EPB41L1: variants seen among roughly 807,000 people sequenced by gnomAD.
The protein encoded by EPB41L1 is band 4.1-like protein 1.
EPB41L1 carries 29 observed loss-of-function variants against 97.8 expected under a neutral mutation model. The ratio of observed to expected loss-of-function variants is 0.30; its 90% CI spans 0.22 to 0.40. The LOEUF (loss-of-function observed/expected upper bound fraction) is 0.40. EPB41L1 is among the 10% of genes least tolerant of loss of function. The pLI, the probability that EPB41L1 is intolerant of heterozygous loss-of-function variation, is 1.00. For missense variants in EPB41L1, 812 were observed against 1,162.3 expected (o/e 0.70, Z 4.38); for synonymous variants, 383 against 459.2 (o/e 0.83, Z 2.12).
chr20:36,123,501 C>T (rs1480889833), intron 2 of EPB41L1, among the ~76,000 whole-genome samples: 3 of 152,164 alleles, frequency 2.0e-5, no homozygotes, highest in Non-Finnish European at 4.4e-5. Flanking sequence ...AGTGCAGTGG[C>T]GCAATCTTGG....
Position 36,202,077 on chromosome 20 carries a change from G to A in EPB41L1, c.1668+4036G>A, listed in dbSNP as rs1480237994. Among the ~76,000 whole-genome samples the A allele has an allele frequency of 4.6e-5, 7 of 152,180 alleles. No individual in the cohort carries two copies. In the East Asian group the frequency reaches 5.8e-4, roughly 13 times the overall value. ...TCCGCACACTCTCTTGAGGGAAATC[G>A]GACAAGAGTCAACAGCATACCAAGG... On this transcript the variant is annotated intron_variant, in intron 14 of 21. Coordinates refer to ENST00000338074, the MANE Select transcript of EPB41L1 (RefSeq NM_012156.2).
intron 7 of EPB41L1, among the ~76,000 whole-genome samples, chr20:36,185,932 G>C (rs1273484266): frequency 2.0e-5 from 3 of 152,190 alleles, no homozygotes; most frequent in Non-Finnish European, 4.4e-5. Context: ...TGATCATGCA[G>C]GGGAAAGTAC....
intron 21 of EPB41L1, among the ~76,000 whole-genome samples, chr20:36,222,808 C>T (rs1364500777): frequency 6.6e-6 from 1 of 152,158 alleles, no homozygotes; most frequent in Non-Finnish European, 1.5e-5. Context: ...CGTTCCTGGC[C>T]CTGAGTCTCT....
chr20:36,175,214 G>T (rs1380546556), intron 2 of EPB41L1, among the ~76,000 whole-genome samples: 1 of 152,206 alleles, frequency 6.6e-6, no homozygotes, highest in Non-Finnish European at 1.5e-5. Context: ...GATGGATGCT[G>T]TGATGAGTCA....
intron 5 of EPB41L1, among the ~76,000 whole-genome samples, chr20:36,180,445 GT>G (rs2061430823): frequency 6.6e-6 from 1 of 152,204 alleles, no homozygotes; most frequent in Non-Finnish European, 1.5e-5. Context: ...TGGATTAGTA[GT>G]TCCTGCCTCA....
intron 2 of EPB41L1, among the ~76,000 whole-genome samples, chr20:36,145,699 T>A (rs1173413009): frequency 6.6e-6 from 1 of 152,240 alleles, no homozygotes; most frequent in Admixed American, 6.5e-5. Flanking sequence ...TCTGTAGTGA[T>A]GAAATGTTCT....
In EPB41L1 at chr20:36,206,305, A is replaced by C. The variant is rs751956460; in HGVS notation, c.1669-3183A>C. On this transcript the variant is annotated intron_variant, in intron 14 of 21. Coordinates refer to ENST00000338074, the MANE Select transcript of EPB41L1 (RefSeq NM_012156.2). This position sits in a 1 kb window ranked among gnomAD's most constrained non-coding sequence, Gnocchi z 5.5. ...GAGGAAGGGGCTGGAGGAGCCTCAC[A>C]CTTGTGGGAGACCCACTGCTCCAGG... is the stretch of plus-strand genomic sequence containing the variant. 3.6e-5 allele frequency: 46 copies of C among 1,289,876 alleles called. 1 individual carries two copies. The South Asian group carries it at 5.7e-4, about 16-fold the overall frequency. 79.9% of individuals were successfully genotyped at this position (1,289,876 alleles called of 1,614,324 possible). A position where few individuals can be genotyped will look rare whatever the true frequency, so the allele number is the denominator to read the frequency against.
chr20:36,224,009 T>A (rs2063950622), intron 21 of EPB41L1, among the ~76,000 whole-genome samples: 1 of 152,208 alleles, frequency 6.6e-6, no homozygotes, highest in East Asian at 1.9e-4. Flanking sequence ...TTTCTCTTCC[T>A]TTGATTACCA....
chr20:36,121,298 A>G (rs998288400), intron 2 of EPB41L1, among the ~76,000 whole-genome samples: 3 of 152,160 alleles, frequency 2.0e-5, no homozygotes, highest in African/African-American at 4.8e-5. Flanking sequence ...GCAGAACTTC[A>G]TATCGTTCTC....
rs924047075 is a variant in EPB41L1, at chr20:36,154,838, A to G, written c.-73A>G. ...CCCCGCCCCGCGGCCTGCCTGCCAG[A>G]GGAGCCGAGGGGGCCGCCCCTCGCC... On this transcript the variant is annotated 5_prime_UTR_variant, in exon 1 of 22. Transcript: ENST00000338074. The surrounding 1 kb of genome is among the most constrained non-coding windows in gnomAD (Gnocchi z 5.5). 21 of 997,100 alleles carry G rather than the reference A, an allele frequency of 2.1e-5. No homozygotes were observed. The highest frequency in any genetic ancestry group is 1.8e-4 in the Admixed American group (3 of 16,638). The allele number at this position is 997,100 out of a possible 1,614,324, so 61.8% of individuals were successfully genotyped here. A position where few individuals can be genotyped will look rare whatever the true frequency, so the allele number is the denominator to read the frequency against.
intron 6 of EPB41L1, among the ~76,000 whole-genome samples, chr20:36,183,521 C>CTT (rs2061554366): frequency 6.6e-6 from 1 of 152,150 alleles, no homozygotes. Flanking sequence ...AGCCTCAATC[C>CTT]CCCTGGTCTT....
intron 2 of EPB41L1, among the ~76,000 whole-genome samples, chr20:36,145,721 G>A (rs569802733): frequency 2.6e-5 from 4 of 152,182 alleles, no homozygotes; most frequent in African/African-American, 9.7e-5. Flanking sequence ...CATCTGCACC[G>A]TCCAGTATGG....
At chr20:36,120,560 C>A (rs908249059) in intron 2 of EPB41L1, among the ~76,000 whole-genome samples, 2 of 152,162 alleles carry the variant, frequency 1.3e-5, no homozygotes, top group African/African-American at 4.8e-5. Context: ...TTTGATGTAG[C>A]CTGGCTGGAG....
intron 14 of EPB41L1, chr20:36,201,060 G>A: frequency 2.3e-6 from 1 of 436,526 alleles, no homozygotes; most frequent in Non-Finnish European, 4.6e-6. Context: ...CCTTTCTCTG[G>A]GGTGAGGGGA....
At chr20:36,174,103 G>C (rs2061116921) in intron 2 of EPB41L1, 149 bp downstream of exon 2, 2 of 909,046 alleles carry the variant, frequency 2.2e-6, no homozygotes, top group South Asian at 1.4e-5. Flanking sequence ...TGTGCTGGGA[G>C]CATTGTTGTT....
chr20:36,122,158 G>T (rs143979394), intron 2 of EPB41L1, among the ~76,000 whole-genome samples: 20 of 152,266 alleles, frequency 1.3e-4, no homozygotes, highest in African/African-American at 4.3e-4. Flanking sequence ...CTATGGTTGT[G>T]GGGGGAGAAG....
chr20:36,172,682 C>A (rs1235336382), intron 1 of EPB41L1, among the ~76,000 whole-genome samples: 1 of 152,164 alleles, frequency 6.6e-6, no homozygotes, highest in Non-Finnish European at 1.5e-5. Flanking sequence ...CTTACTGCAA[C>A]CTCCGCCTCC....
chr20:36,222,220 C>A, intron 20 of EPB41L1, 58 bp from the exon 21 acceptor site: 1 of 1,459,330 alleles, frequency 6.9e-7, no homozygotes, highest in Non-Finnish European at 9.6e-7. Flanking sequence ...CTGTTCTTCA[C>A]AGTCTCTCTC....
chr20:36,208,398 C>A, intron 14 of EPB41L1: 1 of 445,472 alleles, frequency 2.2e-6, no homozygotes, highest in Non-Finnish European at 4.5e-6. Flanking sequence ...GCCAGCCCCT[C>A]GGGCCCTCAG....
Sources: allele counts gnomAD v4.1 joint callset (sites outside exome capture counted in the v4.1 genomes callset), GRCh38; gene constraint gnomAD v4.1.1; non-coding constraint Gnocchi (gnomAD v3.1); transcripts MANE v1.5; gene names NCBI Gene and HGNC (gene_info 2026-07-23, HGNC 2026-07-21).